Variants in SLC8A1 observed in about 807,000 individuals in gnomAD.
SLC8A1 encodes sodium/calcium exchanger 1.
Under a neutral mutation model 68.3 loss-of-function variants are expected in SLC8A1, and 18 were observed. The observed-to-expected ratio is 0.26, with a 90% CI of 0.18 to 0.39. The LOEUF (loss-of-function observed/expected upper bound fraction) is 0.39. SLC8A1 is among the 10% of genes least tolerant of loss of function. SLC8A1 has a pLI of 1.00. For synonymous variants in SLC8A1, 475 were observed against 415.5 expected (o/e 1.14, Z -1.74); for missense variants, 985 against 1,156.7 (o/e 0.85, Z 2.15).
intron 2 of SLC8A1, among the ~76,000 whole-genome samples, chr2:40,218,943 ACAC>A (rs1228823809): frequency 6.6e-6 from 1 of 152,144 alleles, no homozygotes; most frequent in African/African-American, 2.4e-5. Context: ...TTTTTAACTT[ACAC>A]TAAAGTTTTG....
chr2:40,216,159 C>G (rs1238587499), intron 2 of SLC8A1, among the ~76,000 whole-genome samples: 1 of 152,084 alleles, frequency 6.6e-6, no homozygotes, highest in African/African-American at 2.4e-5. Context: ...CCCCTCAACA[C>G]CCACCCACCG....
intron 4 of SLC8A1, among the ~76,000 whole-genome samples, chr2:40,171,010 T>C (rs998958234): frequency 2.0e-5 from 3 of 152,182 alleles, no homozygotes; most frequent in Admixed American, 1.3e-4. Flanking sequence ...GGGGTTCTCA[T>C]TGAACTCCTG....
chr2:40,409,051 T>C (rs369293721), intron 2 of SLC8A1, among the ~76,000 whole-genome samples: 48 of 152,290 alleles, frequency 3.2e-4, no homozygotes, highest in African/African-American at 1.2e-3. Context: ...TTTTTGACAT[T>C]ACAAATATAC....
chr2:40,259,237 C>G (rs569744063), intron 2 of SLC8A1, among the ~76,000 whole-genome samples: 13 of 148,588 alleles, frequency 8.7e-5, no homozygotes, highest in Non-Finnish European at 1.5e-5. Flanking sequence ...TGGACCACTT[C>G]CAAGGATGGA....
chr2:40,122,620 C>A (rs1428168899), intron 7 of SLC8A1, among the ~76,000 whole-genome samples: 1 of 152,118 alleles, frequency 6.6e-6, no homozygotes, highest in African/African-American at 2.4e-5. Context: ...GCTTAATCGG[C>A]CTGAGATGTG....
intron 2 of SLC8A1, among the ~76,000 whole-genome samples, chr2:40,244,392 G>A (rs571800694): frequency 1.4e-4 from 21 of 152,060 alleles, no homozygotes; most frequent in African/African-American, 3.9e-4. Flanking sequence ...AGCCTTTCCT[G>A]CTGACCTATG....
chr2:40,462,596 C>T (rs2149894706), intron 1 of SLC8A1, among the ~76,000 whole-genome samples: 1 of 151,500 alleles, frequency 6.6e-6, no homozygotes, highest in East Asian at 2.0e-4. Context: ...ATCGCTTAGC[C>T]CAGGAGTTCG....
At chr2:40,183,494 C>T (rs1014729148) in intron 2 of SLC8A1, among the ~76,000 whole-genome samples, 6 of 152,204 alleles carry the variant, frequency 3.9e-5, no homozygotes, top group African/African-American at 1.4e-4. Context: ...CATGCAATGG[C>T]TCACCAACTC....
chr2:40,194,091 A>G (rs146552089), intron 2 of SLC8A1, among the ~76,000 whole-genome samples: 350 of 152,256 alleles, frequency 2.3e-3, no homozygotes, highest in African/African-American at 7.9e-3. Context: ...TAGAGAAAAC[A>G]TCATGAGATT....
chr2:40,233,370 G>GT (rs2059937967), intron 2 of SLC8A1, among the ~76,000 whole-genome samples: 1 of 151,746 alleles, frequency 6.6e-6, no homozygotes, highest in Admixed American at 6.6e-5. Flanking sequence ...TTTTTCATGT[G>GT]TTTTTTGGCT....
chr2:40,155,952 G>A (rs532091616), intron 6 of SLC8A1, among the ~76,000 whole-genome samples: 17 of 152,232 alleles, frequency 1.1e-4, no homozygotes, highest in Admixed American at 6.5e-4. Flanking sequence ...TGGCATTCCC[G>A]AGATCCAATT....
intron 2 of SLC8A1, among the ~76,000 whole-genome samples, chr2:40,208,114 G>A (rs2055846475): frequency 6.6e-6 from 1 of 152,120 alleles, no homozygotes; most frequent in South Asian, 2.1e-4. Flanking sequence ...AGAACATGAA[G>A]GAAGAAGTTA....
rs70957173 is a variant in SLC8A1 at position 40,415,859 on chromosome 2, T to TACACACACAC, written c.1808+12604_1808+12613dup. 1.6e-3 allele frequency among the ~76,000 whole-genome samples: 183 copies of TACACACACAC among 113,584 alleles called. 1 individual carries two copies. Among genetic ancestry groups the TACACACACAC allele is most frequent in the African/African-American group, 4.1e-3 (122 of 29,438 alleles). 74.5% of individuals were successfully genotyped at this position (113,584 alleles called of 152,430 possible). A position where few individuals can be genotyped will look rare whatever the true frequency, so the allele number is the denominator to read the frequency against. The stretch of plus-strand genomic sequence containing the variant: ...TGAAACCCCATCTCTACTAAAAGTA[T>TACACACACAC]ACACACACACACACACACACACACA... On this transcript the variant is annotated intron_variant, in intron 2 of 7. Coordinates refer to ENST00000406785, the Ensembl canonical transcript of SLC8A1.
intron 1 of SLC8A1, among the ~76,000 whole-genome samples, chr2:40,501,413 G>T (rs1321191710): frequency 6.6e-6 from 1 of 151,990 alleles, no homozygotes; most frequent in Non-Finnish European, 1.5e-5. Flanking sequence ...GCATACATTT[G>T]CTCACTTTAA....
chr2:40,293,485 G>A (rs1231912515), intron 2 of SLC8A1, among the ~76,000 whole-genome samples: 4 of 152,232 alleles, frequency 2.6e-5, no homozygotes, highest in African/African-American at 9.6e-5. Context: ...CTAGTCACTG[G>A]AAGTTTCAAT....
intron 2 of SLC8A1, among the ~76,000 whole-genome samples, chr2:40,284,186 G>A (rs2067917154): frequency 6.6e-6 from 1 of 151,258 alleles, no homozygotes; most frequent in Non-Finnish European, 1.5e-5. Flanking sequence ...TATAGATATA[G>A]CTATCTATAC....
intron 6 of SLC8A1, among the ~76,000 whole-genome samples, chr2:40,157,622 C>T (rs1179987442): frequency 6.6e-6 from 1 of 152,130 alleles, no homozygotes; most frequent in African/African-American, 2.4e-5. Context: ...CACCATTCTG[C>T]CCTGGTAGAA....
chr2:40,464,051 C>T (rs764126020), intron 1 of SLC8A1, among the ~76,000 whole-genome samples: 10 of 152,152 alleles, frequency 6.6e-5, no homozygotes, highest in Middle Eastern at 3.4e-3. Flanking sequence ...CATGCCACCA[C>T]GCCAGGCTAG....
chr2:40,302,802 T>G (rs1391261853), intron 2 of SLC8A1, among the ~76,000 whole-genome samples: 2 of 152,208 alleles, frequency 1.3e-5, no homozygotes, highest in East Asian at 1.9e-4. Context: ...TTTAGTTATT[T>G]AAGGAATCTC....
Sources: gnomAD v4.1 joint callset for allele counts (sites outside exome capture counted in the v4.1 genomes callset) on GRCh38, gnomAD v4.1.1 for gene constraint, MANE v1.5 for transcripts, NCBI Gene and HGNC (gene_info 2026-07-23, HGNC 2026-07-21) for gene names.